The following KCNN2 variants were observed in gnomAD, a reference collection of about 807,000 sequenced individuals.
KCNN2 encodes the protein potassium calcium-activated channel subfamily N member 2.
A neutral mutation model predicts 55.5 loss-of-function variants in KCNN2; 24 were observed. That is an observed-to-expected ratio of 0.43 (90% confidence interval 0.31 to 0.61). The LOEUF (loss-of-function observed/expected upper bound fraction) is 0.61. Ranked by LOEUF, KCNN2 falls within the 20% of genes least tolerant of loss-of-function variation. KCNN2 has a pLI of 0.08. For missense variants in KCNN2, 754 were observed against 853.6 expected (o/e 0.88, Z 1.45); for synonymous variants, 431 against 336.1 (o/e 1.28, Z -3.09).
rs990854360 is a variant in KCNN2, at chr5:114,486,872, G to C, written c.1891-178G>C. 3.5e-6 allele frequency: 4 copies of C among 1,152,318 alleles called. No homozygotes were observed. In the African/African-American group the frequency reaches 6.3e-5, roughly 18 times the overall value. The allele number at this position is 1,152,318 out of a possible 1,614,324, so 71.4% of individuals were successfully genotyped here. ...TATTTCAATTTAAGTGTTGTTCCCA[G>C]GCAGGTACAAGTACTTCTAAAAAGG... On this transcript the variant is annotated intron_variant, in intron 5 of 7. Transcript: ENST00000673685.
intron 1 of KCNN2, among the ~76,000 whole-genome samples, chr5:114,199,716 C>A (rs1561519819): frequency 6.6e-6 from 1 of 151,956 alleles, no homozygotes; most frequent in Non-Finnish European, 1.5e-5. Context: ...GACAAAATCC[C>A]CCAGCATTTT....
At chr5:114,391,513 G>GTT (rs1361594676) in intron 2 of KCNN2, among the ~76,000 whole-genome samples, 1 of 151,988 alleles carries the variant, frequency 6.6e-6, no homozygotes, top group Non-Finnish European at 1.5e-5. Flanking sequence ...GTGTGTGTGT[G>GTT]TTTCCTGTGA....
intron 1 of KCNN2, among the ~76,000 whole-genome samples, chr5:114,118,203 G>T (rs1422094025): frequency 6.6e-6 from 1 of 152,106 alleles, no homozygotes; most frequent in African/African-American, 2.4e-5. Context: ...AGGAGCTGCG[G>T]TGCTCTATTG....
intron 4 of KCNN2, among the ~76,000 whole-genome samples, chr5:114,466,492 T>A (rs202107627): frequency 8.7e-5 from 12 of 138,572 alleles, no homozygotes; most frequent in South Asian, 2.4e-4. Context: ...TATATATATA[T>A]AAAACACATC....
At chr5:114,090,549 C>G (rs977282661) in intron 1 of KCNN2, among the ~76,000 whole-genome samples, 1 of 131,894 alleles carries the variant, frequency 7.6e-6, no homozygotes, top group African/African-American at 2.7e-5. Flanking sequence ...CTCTCTTCCT[C>G]TCTCTCTCTC....
intron 1 of KCNN2, among the ~76,000 whole-genome samples, chr5:114,180,606 C>G (rs1392980480): frequency 1.3e-5 from 2 of 152,094 alleles, no homozygotes; most frequent in Non-Finnish European, 2.9e-5. Flanking sequence ...AATAATTTGG[C>G]TATCTATACA....
chr5:114,225,952 TAAATC>T (rs1754230355), intron 2 of KCNN2, among the ~76,000 whole-genome samples: 1 of 152,104 alleles, frequency 6.6e-6, no homozygotes, highest in African/African-American at 2.4e-5. Flanking sequence ...AGTGAGCAAA[TAAATC>T]AATAAAGCAT....
At chr5:114,222,736 G>A (rs1163142686) in intron 2 of KCNN2, among the ~76,000 whole-genome samples, 1 of 152,126 alleles carries the variant, frequency 6.6e-6, no homozygotes, top group Non-Finnish European at 1.5e-5. Flanking sequence ...AATGTTAAAA[G>A]TTAGACTTTT....
chr5:114,486,604 A>G (rs565727788), intron 5 of KCNN2: 1 of 480,842 alleles, frequency 2.1e-6, no homozygotes. Context: ...AGCACTGGAA[A>G]CATGCCCTTC....
intron 1 of KCNN2, among the ~76,000 whole-genome samples, chr5:114,068,447 G>C (rs1750495423): frequency 6.6e-6 from 1 of 152,176 alleles, no homozygotes; most frequent in African/African-American, 2.4e-5. Context: ...TTTCAGATCA[G>C]CTTAGCCCTG....
At chr5:114,272,245 A>C (rs1032346114) in intron 2 of KCNN2, among the ~76,000 whole-genome samples, 5 of 152,004 alleles carry the variant, frequency 3.3e-5, no homozygotes, top group African/African-American at 1.2e-4. Flanking sequence ...ATGTGTGTAC[A>C]TATCATATAC....
Position 114,362,541 on chromosome 5 carries a change from C to T in KCNN2, c.402C>T (p.Ser134=). ...ATGTGAGCGAGCTGACGCCGTCCAG[C>T]CATGCCAGTGCGCTCCGGCAGCAGT... The part of the protein sequence containing the change: ...QLNVSELTPS[S]HASALRQQYA... The change falls in exon 1 of 8, where the codon AGC becomes AGT. Residue 134 remains serine, a synonymous_variant. Coordinates refer to ENST00000673685, the MANE Select transcript of KCNN2 (RefSeq NM_021614.4). 3.5e-6 allele frequency: 2 copies of T among 575,112 alleles called. No individual in the cohort carries two copies. The highest frequency in any genetic ancestry group is 2.9e-6 in the Non-Finnish European group (1 of 341,492). The allele number at this position is 575,112 out of a possible 1,614,324, so 35.6% of individuals were successfully genotyped here.
intron 2 of KCNN2, among the ~76,000 whole-genome samples, chr5:114,286,358 T>G (rs1417701628): frequency 4.6e-5 from 7 of 152,146 alleles, no homozygotes; most frequent in Non-Finnish European, 1.0e-4. Flanking sequence ...GCTCAACATG[T>G]TAGTCTGAAG....
intron 2 of KCNN2, among the ~76,000 whole-genome samples, chr5:114,314,636 C>T (rs1262020829): frequency 6.6e-6 from 1 of 152,064 alleles, no homozygotes; most frequent in East Asian, 1.9e-4. Context: ...CCTCACTGAA[C>T]TAGCAGAAGA....
At chr5:114,287,293 A>G (rs942163091) in intron 2 of KCNN2, among the ~76,000 whole-genome samples, 4 of 152,220 alleles carry the variant, frequency 2.6e-5, no homozygotes, top group African/African-American at 9.6e-5. Flanking sequence ...ATAAAGACAC[A>G]TGCACACATG....
At chr5:114,270,842 G>A (rs1005286445) in intron 2 of KCNN2, among the ~76,000 whole-genome samples, 11 of 152,152 alleles carry the variant, frequency 7.2e-5, no homozygotes, top group Non-Finnish European at 1.6e-4. Flanking sequence ...TCCGCAGTTT[G>A]TTCTTTCAGA....
intron 3 of KCNN2, among the ~76,000 whole-genome samples, chr5:114,449,691 C>G (rs576453498): frequency 7.9e-5 from 12 of 152,280 alleles, no homozygotes; most frequent in African/African-American, 2.9e-4. Context: ...TTTATATCTT[C>G]AAATGCAGGT....
At chr5:114,260,121 A>G (rs1003265614) in intron 2 of KCNN2, among the ~76,000 whole-genome samples, 12 of 152,124 alleles carry the variant, frequency 7.9e-5, no homozygotes, top group Non-Finnish European at 7.4e-5. Context: ...AGATAACACT[A>G]TCTTTTGTCT....
At chr5:114,482,867 T>G (rs1013194226) in intron 5 of KCNN2, among the ~76,000 whole-genome samples, 18 of 152,014 alleles carry the variant, frequency 1.2e-4, no homozygotes, top group African/African-American at 4.3e-4. Context: ...CAGCACACAC[T>G]GAAACCTTCT....
Sources: allele counts gnomAD v4.1 joint callset (sites outside exome capture counted in the v4.1 genomes callset), GRCh38; gene constraint gnomAD v4.1.1; transcripts MANE v1.5; gene names NCBI Gene and HGNC (gene_info 2026-07-23, HGNC 2026-07-21).